Variants in C8B observed in about 807,000 individuals in gnomAD.
C8B encodes the protein complement C8 beta chain, also known as complement component C8 beta chain.
C8B carries 67 observed loss-of-function variants against 64.6 expected under a neutral mutation model. The ratio of observed to expected loss-of-function variants is 1.04; its 90% CI spans 0.85 to 1.27. The LOEUF (loss-of-function observed/expected upper bound fraction) is 1.27, where lower values mean the gene tolerates loss of function less well. C8B is among the 50% of genes most tolerant of loss of function. The pLI, the probability that C8B is intolerant of heterozygous loss-of-function variation, is 0.00. For missense variants in C8B, 790 were observed against 725.2 expected (o/e 1.09, Z -1.03); for synonymous variants, 284 against 257.7 (o/e 1.10, Z -0.98).
Position 56,949,681 on chromosome 1 carries a change from C to G in C8B, c.738G>C (p.Glu246Asp), listed in dbSNP as rs144555536. The G allele has an allele frequency of 6.2e-6, 10 of 1,613,856 alleles. No homozygotes were observed. The highest frequency in any genetic ancestry group is 1.3e-5 in the African/African-American group (1 of 74,892). The change falls in exon 6 of 12, where the codon GAG (glutamate) becomes GAC (aspartate). Residue 246 changes from glutamate to aspartate, a missense_variant. Physicochemically the swap from Glu to Asp is conservative, Grantham distance 45 (BLOSUM62 2). Coordinates refer to ENST00000371237, the MANE Select transcript of C8B (RefSeq NM_000066.4). ...SYSDFERNVT[E>D]KMASKSGFSF... ...TGAAACCAGACTTGCTTGCCATTTT[C>G]TCTGTGACATTGCGTTCAAAATCTG...
At chr1:56,945,072 A>G (rs1344850276) in intron 7 of C8B, among the ~76,000 whole-genome samples, 2 of 152,156 alleles carry the variant, frequency 1.3e-5, no homozygotes, top group African/African-American at 4.8e-5. Context: ...AGTATGGTCT[A>G]TTGGCCAGCA....
In C8B at chr1:56,954,837, A is replaced by G; in HGVS notation, c.392-10T>C. On this transcript the variant is annotated splice_polypyrimidine_tract_variant and intron_variant, in intron 3 of 11. Transcript: ENST00000371237. Reference sequence around the variant, plus strand: ...CGGTTTACACACCTTCCTAGAATGGAGAAAGAGTATTACCCACAGCCACAT... The same window carrying G: ...CGGTTTACACACCTTCCTAGAATGGGGAAAGAGTATTACCCACAGCCACAT... 2 of 1,614,096 alleles carry G rather than the reference A, an allele frequency of 1.2e-6. No homozygotes were observed. The highest frequency in any genetic ancestry group is 1.7e-6 in the Non-Finnish European group (2 of 1,179,972).
intron 8 of C8B, among the ~76,000 whole-genome samples, chr1:56,942,999 G>A (rs961369441): frequency 2.0e-5 from 3 of 152,024 alleles, no homozygotes; most frequent in Non-Finnish European, 4.4e-5. Context: ...AGGAGGCTGA[G>A]GTGAGAGGAT....
rs1431900656 is a variant in C8B, at chr1:56,946,161, G to A, written c.865-100C>T. ...ATACCATCCGATGTTCTTGGCCTGG[G>A]GTCATCACTCTTATGATTCCTTTAG... On this transcript the variant is annotated intron_variant, in intron 6 of 11. Transcript: ENST00000371237. The A allele has an allele frequency of 8.0e-6, 11 of 1,378,214 alleles. No individual in the cohort carries two copies. The East Asian group carries it at 2.6e-4, about 32-fold the overall frequency. 85.4% of individuals were successfully genotyped at this position (1,378,214 alleles called of 1,614,324 possible). A position where few individuals can be genotyped will look rare whatever the true frequency, so the allele number is the denominator to read the frequency against.
chr1:56,929,859 T>C (rs143776604), intron 11 of C8B, among the ~76,000 whole-genome samples: 1 of 152,186 alleles, frequency 6.6e-6, no homozygotes, highest in African/African-American at 2.4e-5. Context: ...ACTCCCCCAG[T>C]CCCCATCAAT....
intron 8 of C8B, among the ~76,000 whole-genome samples, chr1:56,941,612 A>G (rs755272789): frequency 7.9e-5 from 12 of 152,212 alleles, no homozygotes; most frequent in Non-Finnish European, 1.6e-4. Context: ...TAGACAGGCT[A>G]TGATATTTTC....
chr1:56,955,492 T>C (rs571633534), intron 3 of C8B, among the ~76,000 whole-genome samples: 1 of 152,332 alleles, frequency 6.6e-6, no homozygotes, highest in South Asian at 2.1e-4. Flanking sequence ...TATTAGTATA[T>C]CGTTGGGAGA....
At chr1:56,963,066 A>G (rs896022758) in intron 1 of C8B, among the ~76,000 whole-genome samples, 3 of 152,236 alleles carry the variant, frequency 2.0e-5, no homozygotes, top group Non-Finnish European at 4.4e-5. Flanking sequence ...GAGCTACAGT[A>G]AACGCCCTTG....
intron 7 of C8B, 29 bp downstream of exon 7, chr1:56,945,792 G>A (rs768683015): frequency 6.2e-7 from 1 of 1,613,906 alleles, no homozygotes; most frequent in Non-Finnish European, 8.5e-7. Flanking sequence ...CCAGCTTTTA[G>A]GAAAGCCATG....
chr1:56,959,950 T>C, intron 2 of C8B, 70 bp downstream of exon 2: 1 of 1,565,774 alleles, frequency 6.4e-7, no homozygotes, highest in South Asian at 1.1e-5. Context: ...CTGTTAGCAA[T>C]GGCTCAGCCG....
At chr1:56,947,374 C>T (rs1264609846) in intron 6 of C8B, among the ~76,000 whole-genome samples, 1 of 152,176 alleles carries the variant, frequency 6.6e-6, no homozygotes, top group Non-Finnish European at 1.5e-5. Context: ...AGCATTCATC[C>T]AACTTTTCAC....
chr1:56,931,660 T>C (rs1183149612), intron 11 of C8B, 150 bp downstream of exon 11: 1 of 657,342 alleles, frequency 1.5e-6, no homozygotes, highest in African/African-American at 1.8e-5. Flanking sequence ...TATTAAATGA[T>C]GGAGATGGAA....
intron 9 of C8B, among the ~76,000 whole-genome samples, chr1:56,937,479 T>C (rs1644791576): frequency 6.6e-6 from 1 of 152,174 alleles, no homozygotes; most frequent in Admixed American, 6.5e-5. Context: ...CATTCATTAC[T>C]GTATTTTTTC....
intron 4 of C8B, among the ~76,000 whole-genome samples, chr1:56,952,681 C>G (rs1645040244): frequency 6.6e-6 from 1 of 152,158 alleles, no homozygotes; most frequent in Admixed American, 6.5e-5. Flanking sequence ...GACTTTGGAG[C>G]CAGACGTCTG....
At chr1:56,939,096 T>G (rs1036599154) in intron 9 of C8B, among the ~76,000 whole-genome samples, 8 of 152,216 alleles carry the variant, frequency 5.3e-5, no homozygotes, top group African/African-American at 1.7e-4. Flanking sequence ...GTAGGCACAT[T>G]CAACTGATCT....
chr1:56,939,745 A>G (rs184965071), intron 9 of C8B, among the ~76,000 whole-genome samples: 20 of 152,332 alleles, frequency 1.3e-4, no homozygotes, highest in Admixed American at 5.2e-4. Flanking sequence ...AACCCACAGG[A>G]AAGTCTAGAG....
chr1:56,938,725 G>A (rs771632436), intron 9 of C8B, among the ~76,000 whole-genome samples: 13 of 152,164 alleles, frequency 8.5e-5, no homozygotes, highest in South Asian at 2.1e-4. Context: ...TTGAAGACTG[G>A]TTTACATAAT....
At chr1:56,943,610 A>C in intron 8 of C8B, 86 bp downstream of exon 8, 1 of 1,532,272 alleles carries the variant, frequency 6.5e-7, no homozygotes, top group Non-Finnish European at 9.0e-7. Context: ...TATTTGTCTC[A>C]AAAAGGGAGG....
At chr1:56,961,463 G>T (rs968093533) in intron 1 of C8B, among the ~76,000 whole-genome samples, 9 of 152,152 alleles carry the variant, frequency 5.9e-5, no homozygotes, top group Non-Finnish European at 1.3e-4. Context: ...CACATCCACG[G>T]TCATGCAGCT....
Sources: allele counts gnomAD v4.1 joint callset (sites outside exome capture counted in the v4.1 genomes callset), GRCh38; gene constraint gnomAD v4.1.1; transcripts MANE v1.5; gene names NCBI Gene and HGNC (gene_info 2026-07-23, HGNC 2026-07-21).